BICD1: variants seen among roughly 807,000 people sequenced by gnomAD.
BICD1 encodes the protein BICD cargo adaptor 1.
A neutral mutation model predicts 92.5 loss-of-function variants in BICD1; 35 were observed. That is an observed-to-expected ratio of 0.38 (90% confidence interval 0.29 to 0.50). The LOEUF is 0.50. Among genes scored for constraint, BICD1 ranks in the 20% least tolerant of loss-of-function variants. The pLI is 0.93. For synonymous variants in BICD1, 429 were observed against 465.1 expected, an observed-to-expected ratio of 0.92 and a Z score of 1.00; for missense variants, 950 against 1,189.8, an observed-to-expected ratio of 0.80 and a Z score of 2.97.
chr12:32,287,479 A>T (rs551117807), intron 2 of BICD1, among the ~76,000 whole-genome samples: 1 of 151,794 alleles, frequency 6.6e-6, no homozygotes, highest in Non-Finnish European at 1.5e-5. Context: ...GCTTTAAACA[A>T]TAACCCATGA....
intron 1 of BICD1, among the ~76,000 whole-genome samples, chr12:32,194,806 C>A (rs150299951): frequency 6.6e-6 from 1 of 151,998 alleles, no homozygotes; most frequent in Non-Finnish European, 1.5e-5. Context: ...TCGCTTGAAC[C>A]GGGAGGTGGA....
At chr12:32,350,248 C>T (rs1162827493) in intron 8 of BICD1, among the ~76,000 whole-genome samples, 1 of 151,998 alleles carries the variant, frequency 6.6e-6, no homozygotes, top group Non-Finnish European at 1.5e-5. Context: ...TTTGGGAGGC[C>T]GAGGTGGGTG....
chr12:32,376,378 C>T (rs935430984), intron 9 of BICD1, among the ~76,000 whole-genome samples: 8 of 152,048 alleles, frequency 5.3e-5, no homozygotes, highest in South Asian at 4.2e-4. Flanking sequence ...TGAGCCACCG[C>T]GCCCGGCCGC....
chr12:32,330,588 T>TAA (rs1257542678), intron 5 of BICD1, among the ~76,000 whole-genome samples: 59 of 149,904 alleles, frequency 3.9e-4, no homozygotes, highest in Non-Finnish European at 6.4e-4. Flanking sequence ...TATATATATA[T>TAA]AAAATAAATA....
chr12:32,319,154 C>A (rs1023352480), intron 4 of BICD1, among the ~76,000 whole-genome samples: 1 of 152,140 alleles, frequency 6.6e-6, no homozygotes, highest in African/African-American at 2.4e-5. Context: ...CACCTAAGTT[C>A]CCTGGCTAGA....
At chr12:32,355,244 T>C (rs555634254) in intron 8 of BICD1, among the ~76,000 whole-genome samples, 1 of 152,368 alleles carries the variant, frequency 6.6e-6, no homozygotes, top group Admixed American at 6.5e-5. Context: ...GTTAGAAAGA[T>C]GTTGTTACAA....
chr12:32,213,003 T>TA (rs1187478185), intron 1 of BICD1, among the ~76,000 whole-genome samples: 10 of 152,262 alleles, frequency 6.6e-5, no homozygotes, highest in Non-Finnish European at 1.5e-4. Context: ...GTACCCTTGA[T>TA]ACAGCTTCCC....
chr12:32,270,883 G>C (rs117592257), intron 2 of BICD1, among the ~76,000 whole-genome samples: 16 of 152,064 alleles, frequency 1.1e-4, no homozygotes, highest in Non-Finnish European at 1.8e-4. Flanking sequence ...CCGTATAAAG[G>C]CTTCTCTTCT....
At chr12:32,370,996 G>T (rs976799541) in intron 9 of BICD1, among the ~76,000 whole-genome samples, 15 of 150,402 alleles carry the variant, frequency 1.0e-4, no homozygotes, top group African/African-American at 3.7e-4. Context: ...AGTAGGAAAT[G>T]GAAAGGCTGG....
chr12:32,291,665 C>A (rs1428213371), intron 2 of BICD1, among the ~76,000 whole-genome samples: 1 of 151,808 alleles, frequency 6.6e-6, no homozygotes, highest in African/African-American at 2.4e-5. Flanking sequence ...TAGTGAAATA[C>A]CATCTCTACA....
At chr12:32,341,774 T>C (rs1407425851) in intron 8 of BICD1, among the ~76,000 whole-genome samples, 1 of 152,162 alleles carries the variant, frequency 6.6e-6, no homozygotes, top group African/African-American at 2.4e-5. Context: ...CCACACCAAA[T>C]AAATTGTAGC....
intron 1 of BICD1, among the ~76,000 whole-genome samples, chr12:32,163,157 A>G (rs1001460798): frequency 6.6e-6 from 1 of 152,038 alleles, no homozygotes; most frequent in Non-Finnish European, 1.5e-5. Context: ...CTTGCTTTTT[A>G]TTAGCTCCAC....
At chr12:32,142,579 T>TA (rs1197505650) in intron 1 of BICD1, among the ~76,000 whole-genome samples, 1 of 152,158 alleles carries the variant, frequency 6.6e-6, no homozygotes, top group East Asian at 1.9e-4. Flanking sequence ...TGTTTTTCTA[T>TA]AAAAAAGGCA....
chr12:32,172,938 A>G (rs1201848961), intron 1 of BICD1, among the ~76,000 whole-genome samples: 1 of 152,224 alleles, frequency 6.6e-6, no homozygotes, highest in Non-Finnish European at 1.5e-5. Context: ...CACCAGGTTG[A>G]CAACATAACC....
intron 2 of BICD1, among the ~76,000 whole-genome samples, chr12:32,279,237 C>T (rs1428148787): frequency 6.6e-6 from 1 of 152,122 alleles, no homozygotes; most frequent in Non-Finnish European, 1.5e-5. Flanking sequence ...AGGGTCAGGG[C>T]AGTGACCTTC....
chr12:32,273,241 C>T (rs931139069), intron 2 of BICD1, among the ~76,000 whole-genome samples: 4 of 152,172 alleles, frequency 2.6e-5, no homozygotes, highest in African/African-American at 9.7e-5. Context: ...TTATTGCACT[C>T]TACTCTCATA....
At chr12:32,295,082 GAAAA>G (rs10647988) in intron 3 of BICD1, among the ~76,000 whole-genome samples, 2 of 103,496 alleles carry the variant, frequency 1.9e-5, no homozygotes, top group African/African-American at 3.8e-5. Context: ...ATTCCGTCTC[GAAAA>G]AAAAAAAAAA....
At chr12:32,340,282 A>G in intron 8 of BICD1, 2 of 985,406 alleles carry the variant, frequency 2.0e-6, no homozygotes, top group Non-Finnish European at 2.4e-6. Context: ...GGAATGGTGT[A>G]ATAGCCAAAA....
intron 2 of BICD1, among the ~76,000 whole-genome samples, chr12:32,240,975 A>T (rs1180524015): frequency 6.6e-6 from 1 of 152,100 alleles, no homozygotes; most frequent in Admixed American, 6.5e-5. Flanking sequence ...TTTATTTTGC[A>T]TTACCCTTCC....
Sources: allele counts gnomAD v4.1 joint callset (sites outside exome capture counted in the v4.1 genomes callset), GRCh38; gene constraint gnomAD v4.1.1; transcripts MANE v1.5; gene names NCBI Gene and HGNC (gene_info 2026-07-23, HGNC 2026-07-21).